The following RBM27 variants were observed in gnomAD, a reference collection of about 807,000 sequenced individuals.
RBM27 encodes the protein RNA-binding protein 27.
In RBM27, 22 loss-of-function variants were observed where a neutral mutation model predicts 135.3. The observed-to-expected ratio is 0.16, with a 90% CI of 0.12 to 0.23. The LOEUF (loss-of-function observed/expected upper bound fraction) is 0.23, where lower values mean the gene tolerates loss of function less well. Among genes scored for constraint, RBM27 ranks in the 10% least tolerant of loss-of-function variants. The probability of loss-of-function intolerance (pLI) is 1.00; values close to 1 mark genes in which losing one functional copy is unlikely to be tolerated. For synonymous variants in RBM27, 481 were observed against 442.4 expected (o/e 1.09, Z -1.10); for missense variants, 1,009 against 1,281.0 (o/e 0.79, Z 3.24).
At chr5:146,236,718 T>C (rs1033957606) in intron 7 of RBM27, among the ~76,000 whole-genome samples, 1 of 151,474 alleles carries the variant, frequency 6.6e-6, no homozygotes, top group South Asian at 2.1e-4. Flanking sequence ...CCACCTCCCA[T>C]GTTCAAGTGA....
intron 19 of RBM27, among the ~76,000 whole-genome samples, chr5:146,283,699 T>TGCAG (rs1238026320): frequency 1.3e-5 from 2 of 152,202 alleles, no homozygotes; most frequent in Admixed American, 6.5e-5. Context: ...ACGATGTCTG[T>TGCAG]GCAGGCAGTA....
chr5:146,232,774 G>T (rs540229566), intron 6 of RBM27, among the ~76,000 whole-genome samples: 2 of 152,196 alleles, frequency 1.3e-5, no homozygotes, highest in East Asian at 1.9e-4. Context: ...TCACCATGTT[G>T]GTCAGGATGG....
chr5:146,227,647 A>C (rs1756736343), intron 3 of RBM27, among the ~76,000 whole-genome samples: 2 of 152,190 alleles, frequency 1.3e-5, no homozygotes, highest in South Asian at 4.1e-4. Context: ...GACAATAATA[A>C]AAATTACTGG....
rs200987894 is a variant in RBM27, at chr5:146,251,903, C to T, written c.1444+28C>T. ...AAGCTTTGCTACAGATGGCCATCCA[C>T]CTCACTGATCTTTTTTACCTCAAGC... On this transcript the variant is annotated intron_variant, in intron 9 of 20. Transcript: ENST00000265271. 5.6e-6 allele frequency: 9 copies of T among 1,605,146 alleles called. No individual in the cohort carries two copies. In the East Asian group the frequency reaches 2.0e-4, roughly 36 times the overall value.
intron 1 of RBM27, among the ~76,000 whole-genome samples, chr5:146,206,419 C>T (rs1581125287): frequency 7.3e-6 from 1 of 137,196 alleles, no homozygotes; most frequent in African/African-American, 2.7e-5. Flanking sequence ...TAAGTATGAT[C>T]ATTCTGTAAT....
At chr5:146,206,828 C>T (rs933688050) in intron 1 of RBM27, among the ~76,000 whole-genome samples, 3 of 152,014 alleles carry the variant, frequency 2.0e-5, no homozygotes, top group African/African-American at 7.2e-5. Context: ...GGTGATCCAC[C>T]CACCTCGGCC....
In RBM27 at chr5:146,269,245, A is replaced by G. The variant is rs370703945; in HGVS notation, c.2490A>G (p.Arg830=). ...TACAACAAGATATGAGGAAAAAAAG[A>G]CAGGAAGTGTTAGAAAAGCAAATAG... is the stretch of plus-strand genomic sequence containing the variant. ...MKLQQDMRKK[R]QEVLEKQIEC... The change falls in exon 16 of 21, where the codon AGA becomes AGG. Residue 830 remains arginine, a synonymous_variant. Transcript: ENST00000265271. 2.2e-5 allele frequency: 36 copies of G among 1,609,700 alleles called. 1 individual carries two copies. In the African/African-American group the frequency reaches 3.3e-4, roughly 15 times the overall value.
At chr5:146,236,798 A>G (rs1379561691) in intron 7 of RBM27, among the ~76,000 whole-genome samples, 2 of 151,690 alleles carry the variant, frequency 1.3e-5, no homozygotes, top group African/African-American at 2.4e-5. Context: ...TTATTTTTGT[A>G]CTTTTAGTAG....
At chr5:146,269,694 A>G (rs1333165335) in intron 17 of RBM27, 110 bp downstream of exon 17, 1 of 518,866 alleles carries the variant, frequency 1.9e-6, no homozygotes, top group Non-Finnish European at 3.0e-6. Context: ...TAACAGGGAT[A>G]TAGGCAAACA....
intron 7 of RBM27, among the ~76,000 whole-genome samples, chr5:146,235,743 G>T (rs1581173495): frequency 6.6e-6 from 1 of 151,950 alleles, no homozygotes; most frequent in African/African-American, 2.4e-5. Context: ...GCAGTGGGGA[G>T]ATCTTGGCTC....
intron 8 of RBM27, among the ~76,000 whole-genome samples, chr5:146,250,137 T>A (rs1757819329): frequency 2.6e-5 from 4 of 152,270 alleles, no homozygotes; most frequent in Admixed American, 2.6e-4. Context: ...TTACAGCTTT[T>A]AAGGACATTT....
chr5:146,284,531 C>T (rs1759504360), intron 19 of RBM27, 91 bp from the exon 20 acceptor site: 6 of 816,560 alleles, frequency 7.3e-6, no homozygotes, highest in African/African-American at 1.7e-5. Flanking sequence ...CTCTCCTGCC[C>T]TATGTTATAC....
At chr5:146,227,799 A>G (rs1352131917) in intron 3 of RBM27, among the ~76,000 whole-genome samples, 2 of 152,200 alleles carry the variant, frequency 1.3e-5, no homozygotes, top group African/African-American at 4.8e-5. Context: ...ATTTCTGGTC[A>G]ATTTTGACGG....
At chr5:146,269,158 A>G in intron 15 of RBM27, 49 bp from the exon 16 acceptor site, 2 of 1,385,912 alleles carry the variant, frequency 1.4e-6, no homozygotes, top group Non-Finnish European at 2.0e-6. Flanking sequence ...TGAGTTGAGA[A>G]TGGTGGCAAA....
chr5:146,271,505 C>T lies in RBM27; in HGVS notation c.2819C>T (p.Pro940Leu). ...CAGGCTGCACGGTTAGGTATTTTAC[C>T]TGTGGGTCGAGGAAAGACCATGTCC... ...QVEAARLGIL[P>L]VGRGKTMSSQ... Residue 940 changes from proline (P) to leucine (L), a missense_variant, in exon 19 of 21, where the codon CCT becomes CTT. Physicochemically the swap from Pro to Leu is moderately conservative, Grantham distance 98. Transcript: ENST00000265271. 3 of 1,612,832 alleles carry T rather than the reference C, an allele frequency of 1.9e-6. No homozygotes were observed. The highest frequency in any genetic ancestry group is 2.5e-6 in the Non-Finnish European group (3 of 1,179,200).
intron 8 of RBM27, among the ~76,000 whole-genome samples, chr5:146,248,100 GTTTTTT>G (rs923549215): frequency 9.6e-5 from 14 of 145,760 alleles, no homozygotes; most frequent in African/African-American, 3.5e-4. Context: ...GGGAACTCCT[GTTTTTT>G]TTTTAAGTAT....
intron 1 of RBM27, among the ~76,000 whole-genome samples, chr5:146,205,862 T>C (rs1204308649): frequency 6.6e-6 from 1 of 151,862 alleles, no homozygotes; most frequent in East Asian, 1.9e-4. Context: ...CTACTGAAAG[T>C]ATAAAAATTA....
At chr5:146,216,551 A>G (rs1756201828) in intron 1 of RBM27, among the ~76,000 whole-genome samples, 1 of 152,210 alleles carries the variant, frequency 6.6e-6, no homozygotes, top group Admixed American at 6.5e-5. Context: ...ATTCAAGTTT[A>G]CAATATATTT....
At chr5:146,237,018 A>C (rs556836422) in intron 7 of RBM27, among the ~76,000 whole-genome samples, 1 of 140,926 alleles carries the variant, frequency 7.1e-6, no homozygotes, top group Non-Finnish European at 1.5e-5. Context: ...GGCTCACCGC[A>C]ACCTCCGCGT....
Sources: allele counts gnomAD v4.1 joint callset (sites outside exome capture counted in the v4.1 genomes callset), GRCh38; gene constraint gnomAD v4.1.1; transcripts MANE v1.5; gene names NCBI Gene and HGNC (gene_info 2026-07-23, HGNC 2026-07-21).